Variants in METTL15 observed in about 807,000 individuals in gnomAD.
METTL15 encodes 12S rRNA N(4)-cytidine methyltransferase METTL15.
Under a neutral mutation model 38.3 loss-of-function variants are expected in METTL15, and 34 were observed. That is an observed-to-expected ratio of 0.89 (90% CI 0.68 to 1.18). The LOEUF is 1.18. Ranked by LOEUF, METTL15 falls within the 50% of genes most tolerant of loss-of-function variation. The pLI, the probability that METTL15 is intolerant of heterozygous loss-of-function variation, is 0.00. For synonymous variants in METTL15, 162 were observed against 170.9 expected (o/e 0.95, Z 0.41); for missense variants, 438 against 498.4 (o/e 0.88, Z 1.15).
intron 4 of METTL15, among the ~76,000 whole-genome samples, chr11:28,246,425 A>G (rs1854515748): frequency 6.6e-6 from 1 of 152,146 alleles, no homozygotes. Context: ...GAACTCTTAG[A>G]TATTTATTTT....
At chr11:28,120,091 A>G (rs553055457) in intron 3 of METTL15, among the ~76,000 whole-genome samples, 11 of 152,138 alleles carry the variant, frequency 7.2e-5, no homozygotes, top group Non-Finnish European at 1.5e-4. Context: ...AGCTGGAACT[A>G]CAGGCGCCTG....
At chr11:28,308,631 T>C (rs761193383) in intron 6 of METTL15, among the ~76,000 whole-genome samples, 11 of 152,304 alleles carry the variant, frequency 7.2e-5, no homozygotes, top group Middle Eastern at 6.8e-3. Flanking sequence ...CATTCAGTTA[T>C]CTTATATGAG....
chr11:28,252,387 C>A (rs1217477418), intron 4 of METTL15, among the ~76,000 whole-genome samples: 3 of 152,084 alleles, frequency 2.0e-5, no homozygotes, highest in African/African-American at 4.8e-5. Context: ...ACTTGACTTT[C>A]TTTAAATCTG....
intron 4 of METTL15, among the ~76,000 whole-genome samples, chr11:28,276,404 A>T (rs973546447): frequency 1.3e-5 from 2 of 152,128 alleles, no homozygotes; most frequent in Non-Finnish European, 2.9e-5. Flanking sequence ...AAAGATCTCT[A>T]TAAGAAAAAC....
At chr11:28,342,991 A>G (rs1327362784) in intron 3 of METTL15, among the ~76,000 whole-genome samples, 2 of 152,208 alleles carry the variant, frequency 1.3e-5, no homozygotes, top group African/African-American at 4.8e-5. Context: ...GATTGGTAAG[A>G]AAAAGAGAAT....
At chr11:28,267,294 A>G (rs1036825589) in intron 4 of METTL15, among the ~76,000 whole-genome samples, 7 of 151,908 alleles carry the variant, frequency 4.6e-5, no homozygotes, top group African/African-American at 1.5e-4. Flanking sequence ...TCTCCTCAAA[A>G]TTGCCAGGCA....
At chr11:28,476,926 TGTGA>T (rs1198940346) in intron 6 of METTL15, among the ~76,000 whole-genome samples, 1 of 152,126 alleles carries the variant, frequency 6.6e-6, no homozygotes, top group East Asian at 1.9e-4. Flanking sequence ...TGAGCAAAGT[TGTGA>T]GTAATTTAAA....
At chr11:28,287,685 A>G (rs1180455214) in intron 4 of METTL15, 1 of 152,432 alleles carries the variant, frequency 6.6e-6, no homozygotes, top group Non-Finnish European at 1.5e-5. Context: ...AAATAAATTA[A>G]TTTTTTCTCA....
chr11:28,524,081 G>T (rs1306193606), intron 6 of METTL15, among the ~76,000 whole-genome samples: 4 of 152,204 alleles, frequency 2.6e-5, no homozygotes, highest in African/African-American at 9.6e-5. Context: ...GAAAAACTCA[G>T]AATAATCCAA....
At chr11:28,329,286 C>T (rs538001496) in intron 6 of METTL15, among the ~76,000 whole-genome samples, 28 of 152,196 alleles carry the variant, frequency 1.8e-4, no homozygotes, top group African/African-American at 6.0e-4. Flanking sequence ...TTTCTTGACT[C>T]TCAATTACAT....
At chr11:28,220,300 C>T (rs1251145596) in intron 4 of METTL15, among the ~76,000 whole-genome samples, 1 of 152,166 alleles carries the variant, frequency 6.6e-6, no homozygotes, top group Non-Finnish European at 1.5e-5. Context: ...GAATTGATCA[C>T]TTTACCATTA....
intron 6 of METTL15, among the ~76,000 whole-genome samples, chr11:28,503,813 A>G (rs937654260): frequency 6.6e-6 from 1 of 151,940 alleles, no homozygotes; most frequent in Non-Finnish European, 1.5e-5. Flanking sequence ...AAAAAGATTC[A>G]AACCCGGTAG....
At chr11:28,348,464 C>T (rs1051287994) in intron 3 of METTL15, among the ~76,000 whole-genome samples, 8 of 152,162 alleles carry the variant, frequency 5.3e-5, no homozygotes, top group African/African-American at 1.9e-4. Flanking sequence ...GCCTCCTGGA[C>T]TCAAGCAATC....
intron 6 of METTL15, among the ~76,000 whole-genome samples, chr11:28,440,365 G>A (rs958441456): frequency 2.0e-5 from 3 of 151,878 alleles, no homozygotes; most frequent in Admixed American, 1.3e-4. Flanking sequence ...AATATCTATA[G>A]CATTTAACTT....
chr11:28,235,102 T>G (rs1166331387), intron 4 of METTL15, among the ~76,000 whole-genome samples: 1 of 152,134 alleles, frequency 6.6e-6, no homozygotes, highest in South Asian at 2.1e-4. Flanking sequence ...GTTTGTCAAA[T>G]ATCAGATAGT....
At chr11:28,237,867 A>T (rs978730007) in intron 4 of METTL15, among the ~76,000 whole-genome samples, 1 of 152,038 alleles carries the variant, frequency 6.6e-6, no homozygotes, top group Non-Finnish European at 1.5e-5. Context: ...CTAGAGGTCC[A>T]CTCCAGACCC....
intron 4 of METTL15, among the ~76,000 whole-genome samples, chr11:28,288,624 G>A (rs1384293184): frequency 2.0e-5 from 3 of 152,028 alleles, no homozygotes; most frequent in African/African-American, 4.8e-5. Flanking sequence ...ACCACACATG[G>A]ACACATAGAG....
intron 4 of METTL15, among the ~76,000 whole-genome samples, chr11:28,286,507 A>C (rs1054466728): frequency 1.3e-5 from 2 of 152,168 alleles, no homozygotes; most frequent in African/African-American, 2.4e-5. Context: ...TACAGTAGCT[A>C]ACAGTACATG....
At chr11:28,392,612 T>C (rs1462532656) in intron 5 of METTL15, among the ~76,000 whole-genome samples, 3 of 152,016 alleles carry the variant, frequency 2.0e-5, no homozygotes, top group Admixed American at 1.3e-4. Context: ...ATTTATTGGA[T>C]ATAATAACAA....
Sources: allele counts gnomAD v4.1 joint callset (sites outside exome capture counted in the v4.1 genomes callset), GRCh38; gene constraint gnomAD v4.1.1; transcripts MANE v1.5; gene names NCBI Gene and HGNC (gene_info 2026-07-23, HGNC 2026-07-21).